The following HMMR variants were observed in gnomAD, a reference collection of about 807,000 sequenced individuals.
HMMR encodes the protein intracellular hyaluronic acid-binding protein.
Under a neutral mutation model 101.0 loss-of-function variants are expected in HMMR, and 108 were observed. The ratio of observed to expected loss-of-function variants is 1.07; its 90% CI spans 0.92 to 1.25. The LOEUF is 1.25. HMMR is among the 50% of genes most tolerant of loss of function. HMMR has a pLI of 0.00. For missense variants in HMMR, 813 were observed against 788.7 expected (o/e 1.03, Z -0.37); for synonymous variants, 296 against 276.4 (o/e 1.07, Z -0.70).
At chr5:163,481,479 C>A (rs1003617159) in intron 12 of HMMR, among the ~76,000 whole-genome samples, 5 of 152,124 alleles carry the variant, frequency 3.3e-5, no homozygotes, top group African/African-American at 1.2e-4. Context: ...TTTACAGCTC[C>A]ATATTCACAT....
At chr5:163,476,450 G>A (rs1267945866) in intron 11 of HMMR, among the ~76,000 whole-genome samples, 10 of 152,110 alleles carry the variant, frequency 6.6e-5, no homozygotes, top group Non-Finnish European at 1.5e-5. Context: ...TTTTCCGGGA[G>A]CACAAACACT....
At chr5:163,482,924 T>G (rs1014698666) in intron 13 of HMMR, 96 bp from the exon 14 acceptor site, 1 of 1,354,746 alleles carries the variant, frequency 7.4e-7, no homozygotes, top group South Asian at 1.4e-5. Context: ...AAATGACACT[T>G]CTTGAAGAGT....
intron 16 of HMMR, among the ~76,000 whole-genome samples, chr5:163,490,188 AT>A (rs930308063): frequency 3.3e-5 from 5 of 152,118 alleles, no homozygotes; most frequent in African/African-American, 1.2e-4. Context: ...GGGCAAGGAG[AT>A]TTAAAAGACT....
Position 163,472,413 on chromosome 5 carries a change from C to T in HMMR, c.651-766C>T, listed in dbSNP as rs188662453. ...CTGCCATTAAAAAGACTGCTGTGAA[C>T]ATGTTTTATGTTTTTTTATGGACAC... On this transcript the variant is annotated intron_variant, in intron 7 of 17. Transcript: ENST00000393915. Among the ~76,000 whole-genome samples, 687 of 152,132 alleles carry T rather than the reference C, an allele frequency of 4.5e-3. 3 individuals carry two copies. Among genetic ancestry groups the T allele is most frequent in the Non-Finnish European group, 7.7e-3 (527 of 68,006 alleles).
chr5:163,483,993 AG>A (rs1759375021), intron 15 of HMMR, 75 bp from the exon 16 acceptor site: 14 of 778,384 alleles, frequency 1.8e-5, no homozygotes, highest in Non-Finnish European at 2.3e-5. Context: ...AATTTTCTTT[AG>A]TGTTTATGGT....
rs778242139 is a variant in HMMR, at chr5:163,460,781, C to A, written c.46+43C>A. 3.2e-6 allele frequency: 5 copies of A among 1,560,390 alleles called. No homozygotes were observed. In the East Asian group the frequency reaches 9.2e-5, roughly 29 times the overall value. On this transcript the variant is annotated intron_variant, in intron 1 of 17. Coordinates refer to ENST00000393915, the MANE Select transcript of HMMR (RefSeq NM_001142556.2). ...AGCTGGGGGACGGGAGACGCCCTAA[C>A]GCCCTTTGCCTCTTTCAGCTCCCTT...
chr5:163,474,108 T>A lies in HMMR; in HGVS notation c.956T>A (p.Met319Lys). ...CACAACGAAAATCTAAATGCAGAGATGCAAAACTTAAAACAGAAGTTTATT... is the reference window on the plus strand; with the variant it reads ...CACAACGAAAATCTAAATGCAGAGAAGCAAAACTTAAAACAGAAGTTTATT... ...REHNENLNAE[M>K]QNLKQKFILE... Residue 319 changes from methionine to lysine, a missense_variant, in exon 10 of 18, where the codon ATG becomes AAG. Met to Lys is a moderately conservative substitution (Grantham distance 95). Coordinates refer to ENST00000393915, the MANE Select transcript of HMMR (RefSeq NM_001142556.2). 3 of 1,611,768 alleles carry A rather than the reference T, an allele frequency of 1.9e-6. No individual in the cohort carries two copies. The highest frequency in any genetic ancestry group is 1.1e-5 in the South Asian group (1 of 90,750).
chr5:163,474,195 A>C lies in HMMR; in HGVS notation c.1043A>C (p.Gln348Pro). 6.2e-7 allele frequency: 1 copy of C among 1,602,428 alleles called. No individual in the cohort carries two copies. Among genetic ancestry groups the C allele is most frequent in the South Asian group, 1.1e-5 (1 of 88,630 alleles). ...QKELQIDSLL[Q>P]QEKELSSSLH... is the part of the protein sequence containing the mutation. ...GAATTACAAATTGATTCACTTCTGC[A>C]ACAAGAGAAAGTAATTTACCACCAT... Residue 348 changes from glutamine to proline, a missense_variant, in exon 10 of 18, where the codon CAA becomes CCA. Coordinates refer to ENST00000393915, the MANE Select transcript of HMMR (RefSeq NM_001142556.2).
intron 11 of HMMR, among the ~76,000 whole-genome samples, chr5:163,477,257 A>T (rs1759097421): frequency 6.6e-6 from 1 of 152,204 alleles, no homozygotes; most frequent in Admixed American, 6.5e-5. Flanking sequence ...TACTACATTT[A>T]TTTAAATTAA....
chr5:163,477,127 A>G (rs1759093658), intron 11 of HMMR, among the ~76,000 whole-genome samples: 1 of 152,060 alleles, frequency 6.6e-6, no homozygotes, highest in African/African-American at 2.4e-5. Context: ...ACACTTATTT[A>G]TTTCATTTTG....
chr5:163,473,301 A>AGTCATTTTC, intron 8 of HMMR, 48 bp downstream of exon 8: 1 of 1,473,824 alleles, frequency 6.8e-7, no homozygotes, highest in East Asian at 2.3e-5. Context: ...TTTAATACTC[A>AGTCATTTTC]GTCATTTTCA....
intron 8 of HMMR, 54 bp from the exon 9 acceptor site, chr5:163,473,325 A>G (rs1561640272): frequency 1.3e-6 from 2 of 1,526,242 alleles, no homozygotes; most frequent in East Asian, 2.3e-5. Flanking sequence ...TTTTTCTGTT[A>G]TTTTCCCTGT....
chr5:163,485,426 TA>T (rs1292508108), intron 16 of HMMR, among the ~76,000 whole-genome samples: 1 of 152,242 alleles, frequency 6.6e-6, no homozygotes, highest in Non-Finnish European at 1.5e-5. Context: ...TCTTAATTGG[TA>T]ATGATGTTGG....
At chr5:163,489,422 A>G (rs299316) in intron 16 of HMMR, 135,475 of 152,362 alleles carry the variant, frequency 0.89, 60,265 homozygotes, top group East Asian at 0.93. Flanking sequence ...TTTATGGCCT[A>G]CTTGTCTTTT....
chr5:163,491,026 G>T (rs932002294), intron 17 of HMMR, 86 bp from the exon 18 acceptor site: 6 of 655,652 alleles, frequency 9.2e-6, no homozygotes, highest in Admixed American at 3.0e-5. Flanking sequence ...CCTTAAAGAA[G>T]ATACAAGGCC....
Position 163,491,236 on chromosome 5 carries a change from C to A in HMMR, c.*72C>A. 1 of 817,058 alleles carries A rather than the reference C, an allele frequency of 1.2e-6. No homozygotes were observed. The highest frequency in any genetic ancestry group is 2.0e-6 in the Non-Finnish European group (1 of 508,234). The allele number at this position is 817,058 out of a possible 1,614,324, so 50.6% of individuals were successfully genotyped here. A position where few individuals can be genotyped will look rare whatever the true frequency, so the allele number is the denominator to read the frequency against. On this transcript the variant is annotated 3_prime_UTR_variant, in exon 18 of 18. Transcript: ENST00000393915. ...TTGATGTTGCTGTTATTATATTTGACATGGGTATTTTATAATGTTGTATTT... is the reference window on the plus strand; with the variant it reads ...TTGATGTTGCTGTTATTATATTTGAAATGGGTATTTTATAATGTTGTATTT...
At chr5:163,461,373 A>G (rs1210946561) in intron 1 of HMMR, among the ~76,000 whole-genome samples, 2 of 152,244 alleles carry the variant, frequency 1.3e-5, no homozygotes, top group African/African-American at 2.4e-5. Context: ...AAATTTGCTC[A>G]GTGCTACATT....
In HMMR at chr5:163,473,196, A is replaced by C. The variant is rs1758951063; in HGVS notation, c.668A>C (p.Glu223Ala). The C allele has an allele frequency of 1.9e-6, 3 of 1,552,090 alleles. No individual in the cohort carries two copies. The highest frequency in any genetic ancestry group is 2.2e-5 in the South Asian group (2 of 88,900). ...TGTTTTAGTGTTTCAATAGAGAAAGAAAAGATTGATGAAAAATCTGAAACA... is the reference window on the plus strand; with the variant it reads ...TGTTTTAGTGTTTCAATAGAGAAAGCAAAGATTGATGAAAAATCTGAAACA... ...LEGKLVSIEKEKIDEKSETEK... is the reference protein window; with the variant it reads ...LEGKLVSIEKAKIDEKSETEK... The change falls in exon 8 of 18, where the codon GAA (glutamate) becomes GCA (alanine). Residue 223 changes from glutamate (E) to alanine (A), a missense_variant. Physicochemically the swap from Glu to Ala is moderately radical, Grantham distance 107 (BLOSUM62 -1). Coordinates refer to ENST00000393915, the MANE Select transcript of HMMR (RefSeq NM_001142556.2).
chr5:163,482,784 G>A lies in HMMR; in HGVS notation c.1528G>A (p.Val510Ile), dbSNP rs1227781863. The change falls in exon 13 of 18, where the codon GTA (valine) becomes ATA (isoleucine). Residue 510 changes from valine to isoleucine, a missense_variant. By Grantham distance (29) the Val-to-Ile change is conservative. Transcript: ENST00000393915. ...AACTGAGAGCTCAAATCAAGAATAT[G>A]TAAGGTATATAGAGCAAATAATGGC... is the stretch of plus-strand genomic sequence containing the variant. ...LATESSNQEY[V>I]RMLLDLQTKS... The A allele has an allele frequency of 2.5e-6, 4 of 1,612,782 alleles. No individual in the cohort carries two copies. Among genetic ancestry groups the A allele is most frequent in the African/African-American group, 2.7e-5 (2 of 74,866 alleles).
Sources: gnomAD v4.1 joint callset for allele counts (sites outside exome capture counted in the v4.1 genomes callset) on GRCh38, gnomAD v4.1.1 for gene constraint, MANE v1.5 for transcripts, NCBI Gene and HGNC (gene_info 2026-07-23, HGNC 2026-07-21) for gene names.